Variants in VRK2 observed in about 807,000 individuals in gnomAD.
The protein encoded by VRK2 is VRK serine/threonine kinase 2.
Under a neutral mutation model 57.6 loss-of-function variants are expected in VRK2, and 60 were observed. The ratio of observed to expected loss-of-function variants is 1.04; its 90% confidence interval spans 0.85 to 1.29. The LOEUF (loss-of-function observed/expected upper bound fraction) is 1.29. Among genes scored for constraint, VRK2 ranks in the 50% most tolerant of loss-of-function variants. VRK2 has a pLI of 0.00. For synonymous variants in VRK2, 231 were observed against 199.2 expected (o/e 1.16, Z -1.35); for missense variants, 705 against 588.1 (o/e 1.20, Z -2.06).
At chr2:57,971,200 A>C (rs1403152086) in intron 1 of VRK2, among the ~76,000 whole-genome samples, 1 of 152,014 alleles carries the variant, frequency 6.6e-6, no homozygotes, top group Non-Finnish European at 1.5e-5. Flanking sequence ...GTGGGACAAA[A>C]TCCAGAGGAA....
chr2:57,958,041 C>G (rs1020961032), intron 1 of VRK2, among the ~76,000 whole-genome samples: 8 of 152,104 alleles, frequency 5.3e-5, no homozygotes, highest in African/African-American at 1.4e-4. Flanking sequence ...ATCAGGCCTT[C>G]TCAGGACACA....
intron 8 of VRK2, among the ~76,000 whole-genome samples, chr2:58,125,774 A>G (rs1458414919): frequency 6.6e-6 from 1 of 152,082 alleles, no homozygotes; most frequent in Non-Finnish European, 1.5e-5. Flanking sequence ...ATATACACAC[A>G]TATATAGATA....
At chr2:58,065,850 A>C (rs1449088238) in intron 2 of VRK2, among the ~76,000 whole-genome samples, 1 of 152,074 alleles carries the variant, frequency 6.6e-6, no homozygotes, top group African/African-American at 2.4e-5. Flanking sequence ...TGATATATAC[A>C]TTTTTTGGAG....
chr2:57,923,249 T>A (rs2103911583), intron 1 of VRK2, among the ~76,000 whole-genome samples: 1 of 152,144 alleles, frequency 6.6e-6, no homozygotes, highest in South Asian at 2.1e-4. Context: ...GCTGTGAGAT[T>A]GCTGGATCAT....
At chr2:57,940,629 C>T (rs940519913) in intron 1 of VRK2, among the ~76,000 whole-genome samples, 7 of 152,104 alleles carry the variant, frequency 4.6e-5, no homozygotes, top group African/African-American at 9.7e-5. Context: ...AAACATTTTC[C>T]AGTCTTTCTT....
intron 12 of VRK2, among the ~76,000 whole-genome samples, chr2:58,156,556 T>C (rs927511797): frequency 4.0e-5 from 6 of 151,764 alleles, no homozygotes; most frequent in African/African-American, 1.5e-4. Context: ...TTTATGTTGC[T>C]GTACCTCAGG....
intron 10 of VRK2, among the ~76,000 whole-genome samples, chr2:58,136,839 ATATAT>A (rs538904739): frequency 0.016 from 2,226 of 138,952 alleles, 97 homozygotes; most frequent in African/African-American, 0.058. Context: ...TATATATCAT[ATATAT>A]TATATCATAT....
chr2:58,092,243 A>AT (rs1672482810), intron 7 of VRK2, among the ~76,000 whole-genome samples: 1 of 151,874 alleles, frequency 6.6e-6, no homozygotes, highest in Non-Finnish European at 1.5e-5. Flanking sequence ...ATATTTTTAC[A>AT]TTTTCAGGAA....
intron 7 of VRK2, among the ~76,000 whole-genome samples, chr2:58,121,140 T>A (rs921733057): frequency 6.6e-6 from 1 of 152,156 alleles, no homozygotes; most frequent in Non-Finnish European, 1.5e-5. Flanking sequence ...AGTTTCCAGA[T>A]GAATAAAATG....
intron 1 of VRK2, among the ~76,000 whole-genome samples, chr2:57,929,924 T>G (rs1351321418): frequency 6.6e-6 from 1 of 152,082 alleles, no homozygotes; most frequent in Non-Finnish European, 1.5e-5. Context: ...GCAGCTGAGC[T>G]AGTATCCAGC....
rs771016640 is a variant in VRK2, at chr2:58,159,443, C to A, written c.1277C>A (p.Pro426Gln). The change falls in exon 13 of 13, where the codon CCA (proline) becomes CAA (glutamine). Residue 426 changes from proline (P) to glutamine (Q), a missense_variant. Transcript: ENST00000340157. ...CAAAAAATCAGCTATACACAATTCC[C>A]AAACTCATTTTATGAGCCTCATCAA... ...FPQKISYTQF[P>Q]NSFYEPHQDF... is the part of the protein sequence containing the mutation. The A allele has an allele frequency of 6.2e-7, 1 of 1,613,530 alleles. No individual in the cohort carries two copies. The highest frequency in any genetic ancestry group is 1.1e-5 in the South Asian group (1 of 91,048).
rs1290927589 is a variant in VRK2, at chr2:58,131,853, T to G, written c.722T>G (p.Leu241Arg). Residue 241 changes from leucine (L) to arginine (R), a missense_variant, in exon 9 of 13, where the codon CTG (leucine) becomes CGG (arginine). Transcript: ENST00000340157. ...GTTGAGATCCTCGGCTACTGCATGCTGCGGTGGTTGTGTGGGAAACTTCCC... is the reference window on the plus strand; with the variant it reads ...GTTGAGATCCTCGGCTACTGCATGCGGCGGTGGTTGTGTGGGAAACTTCCC... ...SDVEILGYCM[L>R]RWLCGKLPWE... 1 of 1,613,960 alleles carries G rather than the reference T, an allele frequency of 6.2e-7. No individual in the cohort carries two copies. Among genetic ancestry groups the G allele is most frequent in the African/African-American group, 1.3e-5 (1 of 74,914 alleles).
intron 11 of VRK2, among the ~76,000 whole-genome samples, chr2:58,145,779 C>T (rs13410357): frequency 0.015 from 2,246 of 152,076 alleles, 56 homozygotes; most frequent in African/African-American, 0.05. Flanking sequence ...CCTCCCTTCC[C>T]CCACCCCATG....
chr2:58,147,251 C>T, intron 12 of VRK2: 2 of 500,226 alleles, frequency 4.0e-6, no homozygotes. Flanking sequence ...AAGCATAGTA[C>T]TTATGCATTC....
At chr2:57,992,758 G>C (rs1451750954) in intron 1 of VRK2, among the ~76,000 whole-genome samples, 1 of 151,712 alleles carries the variant, frequency 6.6e-6, no homozygotes. Flanking sequence ...GGATGGTCTC[G>C]ATCTCCTGAC....
chr2:58,020,862 C>A (rs1259732040), intron 1 of VRK2, among the ~76,000 whole-genome samples: 1 of 152,220 alleles, frequency 6.6e-6, no homozygotes, highest in Non-Finnish European at 1.5e-5. Flanking sequence ...AAATCCACTG[C>A]ATAGTATAGC....
Position 58,136,882 on chromosome 2 carries a change from TC to T in VRK2, c.856+1684del, listed in dbSNP as rs1434628419. ...ATGTGTATATATATCATATATTATATCATATATATGTGTATATATATCATAT... is the reference window on the plus strand; with the variant it reads ...ATGTGTATATATATCATATATTATATATATATATGTGTATATATATCATAT... On this transcript the variant is annotated intron_variant, in intron 10 of 12. Transcript: ENST00000340157. Among the ~76,000 whole-genome samples, 5 of 111,806 alleles carry T rather than the reference TC, an allele frequency of 4.5e-5. No individual in the cohort carries two copies. In the East Asian group the frequency reaches 7.2e-4, roughly 16 times the overall value. The allele number at this position is 111,806 out of a possible 152,430, so 73.3% of individuals were successfully genotyped here. A position where few individuals can be genotyped will look rare whatever the true frequency, so the allele number is the denominator to read the frequency against.
At chr2:58,127,377 A>G (rs1488144769) in intron 8 of VRK2, among the ~76,000 whole-genome samples, 1 of 152,136 alleles carries the variant, frequency 6.6e-6, no homozygotes, top group Non-Finnish European at 1.5e-5. Context: ...TCTAAGATAC[A>G]TTTGCTCTAT....
intron 7 of VRK2, among the ~76,000 whole-genome samples, chr2:58,101,250 T>G (rs1308243381): frequency 6.6e-6 from 1 of 151,728 alleles, no homozygotes; most frequent in African/African-American, 2.4e-5. Context: ...ATTTTTTCAG[T>G]TTTTTATTTT....
Sources: allele counts gnomAD v4.1 joint callset (sites outside exome capture counted in the v4.1 genomes callset), GRCh38; gene constraint gnomAD v4.1.1; transcripts MANE v1.5; gene names NCBI Gene and HGNC (gene_info 2026-07-23, HGNC 2026-07-21).